The following BAZ1B variants were observed in gnomAD, a reference collection of about 807,000 sequenced individuals.
The protein encoded by BAZ1B is bromodomain adjacent to zinc finger domain 1B.
In BAZ1B, 22 loss-of-function variants were observed where a neutral mutation model predicts 153.8. That is an observed-to-expected ratio of 0.14 (90% confidence interval 0.10 to 0.20). The LOEUF (loss-of-function observed/expected upper bound fraction) is 0.20, where lower values mean the gene tolerates loss of function less well. Among genes scored for constraint, BAZ1B ranks in the 10% least tolerant of loss-of-function variants. BAZ1B has a pLI of 1.00. For synonymous variants in BAZ1B, 676 were observed against 633.4 expected (o/e 1.07, Z -1.01); for missense variants, 1,325 against 1,799.3 (o/e 0.74, Z 4.77).
At chr7:73,515,449 T>TCA (rs1790758122) in intron 1 of BAZ1B, among the ~76,000 whole-genome samples, 1 of 152,030 alleles carries the variant, frequency 6.6e-6, no homozygotes, top group Non-Finnish European at 1.5e-5. Context: ...AGTCATGATG[T>TCA]CTTCTAGCTC....
At chr7:73,510,199 G>C (rs1790522325) in intron 2 of BAZ1B, among the ~76,000 whole-genome samples, 1 of 152,202 alleles carries the variant, frequency 6.6e-6, no homozygotes, top group Non-Finnish European at 1.5e-5. Flanking sequence ...GGAGGCCAAG[G>C]CGGGAGGATC....
chr7:73,501,887 ATTT>A (rs200718272), intron 3 of BAZ1B, among the ~76,000 whole-genome samples: 9 of 133,102 alleles, frequency 6.8e-5, no homozygotes, highest in African/African-American at 1.2e-4. Context: ...CTTATCAAGA[ATTT>A]TTTTTTTTTT....
chr7:73,475,502 T>A (rs1554572628), intron 7 of BAZ1B, among the ~76,000 whole-genome samples: 1 of 152,242 alleles, frequency 6.6e-6, no homozygotes, highest in Non-Finnish European at 1.5e-5. Flanking sequence ...TGCATTTACA[T>A]GAAATATCCA....
chr7:73,517,821 T>C (rs868984267), intron 1 of BAZ1B, among the ~76,000 whole-genome samples: 8 of 152,352 alleles, frequency 5.3e-5, no homozygotes, highest in Middle Eastern at 3.4e-3. Flanking sequence ...GCTACCTCCT[T>C]ATCACAATAT....
rs1158876356 is a variant in BAZ1B at position 73,450,709 on chromosome 7, C to T, written c.3580+138G>A. 1 of 975,224 alleles carries T rather than the reference C, an allele frequency of 1.0e-6. No homozygotes were observed. 60.4% of individuals were successfully genotyped at this position (975,224 alleles called of 1,614,324 possible). A position where few individuals can be genotyped will look rare whatever the true frequency, so the allele number is the denominator to read the frequency against. On this transcript the variant is annotated intron_variant, in intron 14 of 19. Coordinates refer to ENST00000339594, the MANE Select transcript of BAZ1B (RefSeq NM_032408.4). This position sits in a 1 kb window ranked among gnomAD's most constrained non-coding sequence, Gnocchi z 4.1. ...CGACATTTCAAAGACTGGCATGTTA[C>T]AGACCTGCAGGAGAGTAAAATCTAT...
At chr7:73,463,256 T>C (rs1295690599) in intron 11 of BAZ1B, among the ~76,000 whole-genome samples, 157 bp from the exon 12 acceptor site, 7 of 148,544 alleles carry the variant, frequency 4.7e-5, no homozygotes, top group Non-Finnish European at 6.0e-5. Context: ...TTTTTTTTTT[T>C]TCCCCCGAGA....
At chr7:73,468,625 C>G (rs1788682309) in intron 9 of BAZ1B, among the ~76,000 whole-genome samples, 1 of 151,928 alleles carries the variant, frequency 6.6e-6, no homozygotes, top group Non-Finnish European at 1.5e-5. Flanking sequence ...AACACATATA[C>G]CCGGCACCCA....
intron 9 of BAZ1B, among the ~76,000 whole-genome samples, chr7:73,467,698 G>A (rs1554571387): frequency 2.0e-5 from 3 of 152,098 alleles, no homozygotes. Context: ...AATAAAAACT[G>A]CCATTCTAGA....
chr7:73,459,464 G>T, intron 13 of BAZ1B, 72 bp downstream of exon 13: 1 of 1,495,700 alleles, frequency 6.7e-7, no homozygotes. Context: ...AAAATGCATA[G>T]GGTTAGATTA....
At chr7:73,504,800 T>C (rs1790268990) in intron 3 of BAZ1B, among the ~76,000 whole-genome samples, 1 of 151,956 alleles carries the variant, frequency 6.6e-6, no homozygotes, top group African/African-American at 2.4e-5. Context: ...TGCACTCCAG[T>C]CTGGAAGACA....
At chr7:73,521,028 G>A (rs1158669217) in intron 1 of BAZ1B, among the ~76,000 whole-genome samples, 1 of 152,016 alleles carries the variant, frequency 6.6e-6, no homozygotes, top group African/African-American at 2.4e-5. Context: ...TAGTCATGAC[G>A]AGAGGATGCT....
intron 13 of BAZ1B, among the ~76,000 whole-genome samples, chr7:73,452,193 T>C (rs949460949): frequency 6.6e-6 from 1 of 152,184 alleles, no homozygotes; most frequent in Non-Finnish European, 1.5e-5. Flanking sequence ...CATACAATAA[T>C]AGGTAGCCCT....
At chr7:73,443,571 TA>T (rs1338354981) in intron 17 of BAZ1B, among the ~76,000 whole-genome samples, 1 of 152,186 alleles carries the variant, frequency 6.6e-6, no homozygotes, top group Non-Finnish European at 1.5e-5. Context: ...TAAAAACTAC[TA>T]AAATTACATT....
At chr7:73,467,058 G>A (rs1788617072) in intron 9 of BAZ1B, among the ~76,000 whole-genome samples, 4 of 151,814 alleles carry the variant, frequency 2.6e-5, no homozygotes, top group African/African-American at 7.3e-5. Flanking sequence ...TCAGACTCCC[G>A]AGTGGCTGGG....
intron 3 of BAZ1B, among the ~76,000 whole-genome samples, chr7:73,499,979 T>C (rs1177536302): frequency 6.6e-5 from 10 of 152,128 alleles, no homozygotes; most frequent in African/African-American, 2.4e-4. Flanking sequence ...ATTTCTACTG[T>C]TCTGTTATTG....
intron 6 of BAZ1B, among the ~76,000 whole-genome samples, chr7:73,486,682 A>C (rs1292599600): frequency 6.6e-6 from 1 of 152,202 alleles, no homozygotes; most frequent in African/African-American, 2.4e-5. Context: ...CTCTACAGTA[A>C]ATGTACTCAG....
At chr7:73,449,402 G>T in intron 15 of BAZ1B, 140 bp downstream of exon 15, 1 of 1,001,212 alleles carries the variant, frequency 1.0e-6, no homozygotes, top group Non-Finnish European at 1.4e-6. Flanking sequence ...TCCTATTGAA[G>T]TACTGTAAAT....
At chr7:73,442,872 G>A in intron 17 of BAZ1B, 44 bp from the exon 18 acceptor site, 1 of 1,430,406 alleles carries the variant, frequency 7.0e-7, no homozygotes, top group Non-Finnish European at 9.8e-7. Flanking sequence ...TTCAAGACAG[G>A]AGGAAGAATG....
chr7:73,510,705 G>A lies in BAZ1B; in HGVS notation c.224+31C>T. 1.3e-6 allele frequency: 2 copies of A among 1,571,394 alleles called. 1 individual carries two copies. Among genetic ancestry groups the A allele is most frequent in the Middle Eastern group, 3.3e-4 (2 of 5,986 alleles). On this transcript the variant is annotated intron_variant, in intron 2 of 19. Transcript: ENST00000339594. ...CCTCCTTTCCTAACAATGTGAAGAT[G>A]GTGGCAAAGAGCAATACTTCCATTA...
Sources: allele counts gnomAD v4.1 joint callset (sites outside exome capture counted in the v4.1 genomes callset), GRCh38; gene constraint gnomAD v4.1.1; non-coding constraint Gnocchi (gnomAD v3.1); transcripts MANE v1.5; gene names NCBI Gene and HGNC (gene_info 2026-07-23, HGNC 2026-07-21).